PITPNC1: variants seen among roughly 807,000 people sequenced by gnomAD.
PITPNC1 encodes the protein cytoplasmic phosphatidylinositol transfer protein 1.
A neutral mutation model predicts 44.7 loss-of-function variants in PITPNC1; 18 were observed. That is an observed-to-expected ratio of 0.40 (90% CI 0.28 to 0.60). PITPNC1 has a LOEUF of 0.60. PITPNC1 is among the 20% of genes least tolerant of loss of function. The pLI is 0.39. For synonymous variants in PITPNC1, 141 were observed against 149.6 expected (o/e 0.94, Z 0.42); for missense variants, 290 against 418.4 (o/e 0.69, Z 2.68).
At chr17:67,387,376 A>T (rs1382184205) in intron 1 of PITPNC1, among the ~76,000 whole-genome samples, 2 of 152,168 alleles carry the variant, frequency 1.3e-5, no homozygotes, top group Non-Finnish European at 2.9e-5. Context: ...TTCCTCATCT[A>T]AATCTCTGGC....
chr17:67,534,442 A>G (rs900216518), intron 2 of PITPNC1, among the ~76,000 whole-genome samples: 6 of 152,032 alleles, frequency 3.9e-5, no homozygotes, highest in African/African-American at 1.4e-4. Context: ...GTTCAAAACC[A>G]GCCTGGGTAA....
chr17:67,674,419 G>A (rs12947493), intron 7 of PITPNC1, among the ~76,000 whole-genome samples: 87,030 of 150,780 alleles, frequency 0.58, 25,742 homozygotes, highest in Non-Finnish European at 0.64. Flanking sequence ...CACAAGAATC[G>A]CTTAAACACA....
At chr17:67,441,228 C>A (rs565199676) in intron 1 of PITPNC1, among the ~76,000 whole-genome samples, 2 of 152,230 alleles carry the variant, frequency 1.3e-5, no homozygotes, top group African/African-American at 4.8e-5. Context: ...AGCAACTCAG[C>A]CTTCTGAAGA....
At chr17:67,649,837 C>T (rs995998188) in intron 6 of PITPNC1, among the ~76,000 whole-genome samples, 9 of 152,064 alleles carry the variant, frequency 5.9e-5, no homozygotes, top group African/African-American at 2.2e-4. Context: ...CTTAGATTTA[C>T]CAGTTTATTA....
At chr17:67,601,298 G>A (rs1386940938) in intron 5 of PITPNC1, among the ~76,000 whole-genome samples, 1 of 152,090 alleles carries the variant, frequency 6.6e-6, no homozygotes, top group African/African-American at 2.4e-5. Context: ...AGCAACAGCT[G>A]GTCAATGAAG....
chr17:67,401,792 G>A (rs945336661), intron 1 of PITPNC1, among the ~76,000 whole-genome samples: 3 of 151,872 alleles, frequency 2.0e-5, no homozygotes, highest in Non-Finnish European at 4.4e-5. Context: ...GCAGTTAGCC[G>A]GGATTGCGCC....
intron 1 of PITPNC1, among the ~76,000 whole-genome samples, chr17:67,389,906 C>T (rs565719524): frequency 6.6e-6 from 1 of 152,244 alleles, no homozygotes; most frequent in Non-Finnish European, 1.5e-5. Flanking sequence ...GTCTCGAACT[C>T]CTGACCTCGT....
At chr17:67,384,819 C>T (rs984321165) in intron 1 of PITPNC1, among the ~76,000 whole-genome samples, 6 of 152,156 alleles carry the variant, frequency 3.9e-5, no homozygotes, top group East Asian at 1.9e-4. Flanking sequence ...TTGCTGCTGG[C>T]GTCAATACCT....
chr17:67,399,458 C>A (rs540739299), intron 1 of PITPNC1, among the ~76,000 whole-genome samples: 1 of 152,278 alleles, frequency 6.6e-6, no homozygotes, highest in Admixed American at 6.5e-5. Flanking sequence ...TTCCTGGGGG[C>A]AAATGCGTTG....
At chr17:67,437,694 T>G (rs1443928752) in intron 1 of PITPNC1, among the ~76,000 whole-genome samples, 2 of 151,650 alleles carry the variant, frequency 1.3e-5, no homozygotes, top group Non-Finnish European at 2.9e-5. Flanking sequence ...CCTGGAGAGG[T>G]GGGTGGTCTT....
intron 1 of PITPNC1, among the ~76,000 whole-genome samples, chr17:67,397,146 A>G (rs1015438426): frequency 6.6e-6 from 1 of 151,728 alleles, no homozygotes; most frequent in African/African-American, 2.4e-5. Flanking sequence ...ACGCCCGGCT[A>G]ATTTTTGTAT....
intron 1 of PITPNC1, among the ~76,000 whole-genome samples, chr17:67,399,879 T>A (rs2038281473): frequency 6.6e-6 from 1 of 152,212 alleles, no homozygotes; most frequent in Non-Finnish European, 1.5e-5. Context: ...ACGGAAGACC[T>A]AGTCAGTCCT....
intron 1 of PITPNC1, among the ~76,000 whole-genome samples, chr17:67,460,553 A>G (rs1344911231): frequency 1.3e-5 from 2 of 151,034 alleles, no homozygotes; most frequent in South Asian, 2.1e-4. Context: ...CCTCCCGAGT[A>G]GCTGGGATGT....
At chr17:67,659,534 A>T (rs1381612712) in intron 6 of PITPNC1, among the ~76,000 whole-genome samples, 2 of 152,136 alleles carry the variant, frequency 1.3e-5, no homozygotes, top group South Asian at 2.1e-4. Flanking sequence ...TTGAAAGGCT[A>T]AACTGACACA....
In PITPNC1 at chr17:67,578,214, A is replaced by G; in HGVS notation, c.323A>G (p.His108Arg). Reference protein sequence around the residue: ...TCSFLPKFSIHIETKYEDNKG... With the variant: ...TCSFLPKFSIRIETKYEDNKG... Reference sequence around the variant, plus strand: ...TCCTTTCTGCCGAAATTCTCCATTCATATAGAAACCAAGTATGAGGACAAC... The same window carrying G: ...TCCTTTCTGCCGAAATTCTCCATTCGTATAGAAACCAAGTATGAGGACAAC... Residue 108 changes from histidine to arginine, a missense_variant, in exon 5 of 9, where the codon CAT (histidine) becomes CGT (arginine). His to Arg is a conservative substitution (Grantham distance 29). Transcript: ENST00000581322. The G allele has an allele frequency of 6.2e-7, 1 of 1,612,948 alleles. No individual in the cohort carries two copies. The highest frequency in any genetic ancestry group is 1.3e-5 in the African/African-American group (1 of 75,032).
At chr17:67,518,828 G>A (rs775769184) in intron 1 of PITPNC1, among the ~76,000 whole-genome samples, 1 of 152,030 alleles carries the variant, frequency 6.6e-6, no homozygotes, top group South Asian at 2.1e-4. Flanking sequence ...CTGTAGTCCC[G>A]GCTACTCCAG....
At chr17:67,474,439 C>A (rs1452082836) in intron 1 of PITPNC1, among the ~76,000 whole-genome samples, 1 of 152,080 alleles carries the variant, frequency 6.6e-6, no homozygotes, top group Non-Finnish European at 1.5e-5. Context: ...GCAGATAATT[C>A]ATTGTTGTGG....
chr17:67,625,169 T>A (rs150339849), intron 5 of PITPNC1, among the ~76,000 whole-genome samples: 1 of 152,118 alleles, frequency 6.6e-6, no homozygotes. Flanking sequence ...TAAACACTTT[T>A]CCTTCTCCCT....
intron 1 of PITPNC1, among the ~76,000 whole-genome samples, chr17:67,383,771 G>C (rs907338977): frequency 6.6e-6 from 1 of 152,204 alleles, no homozygotes; most frequent in Non-Finnish European, 1.5e-5. Flanking sequence ...AGGCGCGGTG[G>C]CTCATGCCTG....
Sources: gnomAD v4.1 joint callset for allele counts (sites outside exome capture counted in the v4.1 genomes callset) on GRCh38, gnomAD v4.1.1 for gene constraint, MANE v1.5 for transcripts, NCBI Gene and HGNC (gene_info 2026-07-23, HGNC 2026-07-21) for gene names.